MAGI1: variants seen among roughly 807,000 people sequenced by gnomAD.
MAGI1 encodes the protein membrane-associated guanylate kinase, WW and PDZ domain-containing protein 1.
A neutral mutation model predicts 139.9 loss-of-function variants in MAGI1; 58 were observed. The observed-to-expected ratio is 0.41, with a 90% CI of 0.34 to 0.52. The LOEUF is 0.52. MAGI1 is among the 20% of genes least tolerant of loss of function. The pLI, the probability that MAGI1 is intolerant of heterozygous loss-of-function variation, is 0.12. For missense variants in MAGI1, 1,874 were observed against 1,901.6 expected, an observed-to-expected ratio of 0.99 and a Z score of 0.27; for synonymous variants, 812 against 737.9, an observed-to-expected ratio of 1.10 and a Z score of -1.63.
At chr3:65,567,061 C>G (rs547601034) in intron 2 of MAGI1, among the ~76,000 whole-genome samples, 12 of 132,876 alleles carry the variant, frequency 9.0e-5, no homozygotes, top group Admixed American at 6.0e-4. Flanking sequence ...GAATGACATA[C>G]AGACACTTTT....
intron 1 of MAGI1, among the ~76,000 whole-genome samples, chr3:65,772,301 A>T (rs2038021281): frequency 6.6e-6 from 1 of 152,228 alleles, no homozygotes; most frequent in Non-Finnish European, 1.5e-5. Context: ...AGACTTTATG[A>T]ACCTGTGTCT....
intron 1 of MAGI1, among the ~76,000 whole-genome samples, chr3:65,715,371 T>C (rs1333533971): frequency 2.0e-5 from 3 of 152,196 alleles, no homozygotes; most frequent in Non-Finnish European, 4.4e-5. Flanking sequence ...TTTGTTTTGG[T>C]TTTAGTAATA....
chr3:65,854,764 TCGCAGTTCCTGC>T (rs2059317318), intron 1 of MAGI1, among the ~76,000 whole-genome samples: 1 of 152,226 alleles, frequency 6.6e-6, no homozygotes, highest in Non-Finnish European at 1.5e-5. Context: ...GCACCATGAC[TCGCAGTTCCTGC>T]AAACCTCCCA....
At chr3:65,467,852 TA>T (rs1266255551) in intron 5 of MAGI1, among the ~76,000 whole-genome samples, 2 of 152,212 alleles carry the variant, frequency 1.3e-5, no homozygotes, top group Non-Finnish European at 2.9e-5. Flanking sequence ...GAAGGCAATT[TA>T]ATGCAAAAGC....
intron 2 of MAGI1, among the ~76,000 whole-genome samples, chr3:65,539,771 A>G (rs1013717758): frequency 6.6e-6 from 1 of 152,240 alleles, no homozygotes; most frequent in African/African-American, 2.4e-5. Flanking sequence ...TCTGTCGTCA[A>G]TATAAATACA....
intron 1 of MAGI1, among the ~76,000 whole-genome samples, chr3:65,707,656 C>T (rs990021738): frequency 7.9e-5 from 11 of 139,446 alleles, no homozygotes; most frequent in Middle Eastern, 4.0e-3. Context: ...GGTCACTGCA[C>T]GGCAAACTGG....
At chr3:65,593,338 T>C (rs1041676227) in intron 2 of MAGI1, among the ~76,000 whole-genome samples, 5 of 152,188 alleles carry the variant, frequency 3.3e-5, no homozygotes, top group Non-Finnish European at 5.9e-5. Context: ...CTAATCTTTA[T>C]TGTGGCAAAG....
intron 1 of MAGI1, among the ~76,000 whole-genome samples, chr3:65,797,280 A>T (rs547271641): frequency 5.3e-5 from 8 of 152,364 alleles, no homozygotes; most frequent in African/African-American, 1.9e-4. Flanking sequence ...GTAAACATTA[A>T]GGATGCATCT....
intron 1 of MAGI1, among the ~76,000 whole-genome samples, chr3:65,709,230 A>G (rs11131035): frequency 0.39 from 59,958 of 152,072 alleles, 12,112 homozygotes; most frequent in African/African-American, 0.43. Context: ...ACGAGAAAAT[A>G]TGCAGCTCAA....
In MAGI1 at chr3:65,803,672, T is replaced by C. The variant is rs371642793; in HGVS notation, c.314-181584A>G. Among the ~76,000 whole-genome samples the C allele has an allele frequency of 7.2e-5, 11 of 152,288 alleles. No homozygotes were observed. The East Asian group carries it at 7.7e-4, about 11-fold the overall frequency. Reference sequence around the variant, plus strand: ...GGTACTAAGCCTAGTATCCAACAGCTATTTTTCCAGATTCTCTCTCTCCTG... The same window carrying C: ...GGTACTAAGCCTAGTATCCAACAGCCATTTTTCCAGATTCTCTCTCTCCTG... On this transcript the variant is annotated intron_variant, in intron 1 of 22. Coordinates refer to ENST00000402939, the MANE Select transcript of MAGI1 (RefSeq NM_001033057.2).
At chr3:65,706,625 G>A (rs1349361805) in intron 1 of MAGI1, among the ~76,000 whole-genome samples, 1 of 152,196 alleles carries the variant, frequency 6.6e-6, no homozygotes, top group Non-Finnish European at 1.5e-5. Flanking sequence ...GGAGAGGAGT[G>A]AAAGATAAGG....
At chr3:65,807,205 T>C (rs1193424468) in intron 1 of MAGI1, among the ~76,000 whole-genome samples, 1 of 152,164 alleles carries the variant, frequency 6.6e-6, no homozygotes, top group African/African-American at 2.4e-5. Context: ...ACTGGGTAAT[T>C]TGTAAATAAC....
At chr3:65,619,838 A>G in intron 2 of MAGI1, 1 of 984,138 alleles carries the variant, frequency 1.0e-6, no homozygotes, top group Non-Finnish European at 1.2e-6. Context: ...GAAAGTGTAA[A>G]ATGAATTGTT....
intron 1 of MAGI1, among the ~76,000 whole-genome samples, chr3:65,661,025 G>A (rs1374729213): frequency 1.3e-5 from 2 of 152,126 alleles, no homozygotes; most frequent in Non-Finnish European, 2.9e-5. Context: ...ATTTTCTAAA[G>A]TAAATTAGGT....
intron 2 of MAGI1, among the ~76,000 whole-genome samples, chr3:65,527,024 TATG>T (rs1182971793): frequency 3.3e-5 from 5 of 152,204 alleles, no homozygotes; most frequent in African/African-American, 4.8e-5. Flanking sequence ...CTAGAATGGT[TATG>T]ATATTTTAGG....
Position 66,038,306 on chromosome 3 carries a change from CATG to C in MAGI1, c.-1_2del. ...GGTTCTTCTTCTGGATCACTTTGGA[CATG>C]ATGAGTTACACCCCTCCTCCAAAAA... On this transcript the variant is annotated start_lost and start_retained_variant and 5_prime_UTR_variant, in exon 1 of 23. Transcript: ENST00000402939. The C allele has an allele frequency of 1.3e-6, 2 of 1,572,052 alleles. No homozygotes were observed. Among genetic ancestry groups the C allele is most frequent in the Non-Finnish European group, 1.7e-6 (2 of 1,157,628 alleles).
Position 65,640,354 on chromosome 3 carries a change from G to A in MAGI1, c.314-18266C>T, listed in dbSNP as rs560198397. Reference sequence around the variant, plus strand: ...ATATTGCTGGAATGTCTAATACATCGGCTCTAATTCACATATGTATAAATG... The same window carrying A: ...ATATTGCTGGAATGTCTAATACATCAGCTCTAATTCACATATGTATAAATG... On this transcript the variant is annotated intron_variant, in intron 1 of 22. Transcript: ENST00000402939. Among the ~76,000 whole-genome samples, 11 of 152,044 alleles carry A rather than the reference G, an allele frequency of 7.2e-5. No individual in the cohort carries two copies. The South Asian group carries it at 8.3e-4, about 11-fold the overall frequency.
At chr3:65,415,765 T>G (rs567472256) in intron 12 of MAGI1, among the ~76,000 whole-genome samples, 1 of 152,308 alleles carries the variant, frequency 6.6e-6, no homozygotes, top group African/African-American at 2.4e-5. Context: ...ACATCTAATT[T>G]TGCTCTTTAA....
At position 65,610,744 on chromosome 3, in the gene MAGI1, A is replaced by ATATAC. The variant is rs1553680014; in HGVS notation, c.430+11227_430+11228insGTATA. ...TTTAGGTACAAATATAGTATATAGT[A>ATATAC]TATATACAGTATATATATAGCATAT... is the stretch of plus-strand genomic sequence containing the variant. On this transcript the variant is annotated intron_variant, in intron 2 of 22. Coordinates refer to ENST00000402939, the MANE Select transcript of MAGI1 (RefSeq NM_001033057.2). Among the ~76,000 whole-genome samples, 360 of 140,768 alleles carry ATATAC rather than the reference A, an allele frequency of 2.6e-3. 16 individuals carry two copies. The highest frequency in any genetic ancestry group is 3.9e-3 in the Middle Eastern group (1 of 258). 92.3% of individuals were successfully genotyped at this position (140,768 alleles called of 152,430 possible).
Sources: allele counts gnomAD v4.1 joint callset (sites outside exome capture counted in the v4.1 genomes callset), GRCh38; gene constraint gnomAD v4.1.1; transcripts MANE v1.5; gene names NCBI Gene and HGNC (gene_info 2026-07-23, HGNC 2026-07-21).